The following LRRC20 variants were observed in gnomAD, a reference collection of about 807,000 sequenced individuals.
LRRC20 encodes the protein leucine rich repeat containing 20.
In LRRC20, 11 loss-of-function variants were observed where a neutral mutation model predicts 14.4. The ratio of observed to expected loss-of-function variants is 0.77; its 90% confidence interval spans 0.48 to 1.27. The LOEUF (loss-of-function observed/expected upper bound fraction) is 1.27, where lower values mean the gene tolerates loss of function less well. LRRC20 is among the 50% of genes most tolerant of loss of function. The pLI, the probability that LRRC20 is intolerant of heterozygous loss-of-function variation, is 0.00. For synonymous variants in LRRC20, 121 were observed against 107.3 expected (o/e 1.13, Z -0.79); for missense variants, 219 against 251.2 (o/e 0.87, Z 0.87).
At chr10:70,372,774 T>G (rs1770238488) in intron 2 of LRRC20, among the ~76,000 whole-genome samples, 1 of 151,898 alleles carries the variant, frequency 6.6e-6, no homozygotes, top group Non-Finnish European at 1.5e-5. Context: ...AATCATACAA[T>G]GAAATATTAC....
chr10:70,340,945 G>C (rs1236416165), intron 2 of LRRC20, among the ~76,000 whole-genome samples: 1 of 152,090 alleles, frequency 6.6e-6, no homozygotes, highest in Admixed American at 6.5e-5. Flanking sequence ...CACCATCTCT[G>C]TTACCACAGC....
At chr10:70,324,662 C>T (rs1226631375) in intron 3 of LRRC20, among the ~76,000 whole-genome samples, 2 of 152,150 alleles carry the variant, frequency 1.3e-5, no homozygotes, top group Non-Finnish European at 2.9e-5. Flanking sequence ...GAGGCAGTAC[C>T]AAGAGATGGG....
intron 4 of LRRC20, among the ~76,000 whole-genome samples, chr10:70,322,519 G>T (rs1456676339): frequency 6.6e-6 from 1 of 152,048 alleles, no homozygotes; most frequent in Non-Finnish European, 1.5e-5. Context: ...GCACTTCTGG[G>T]CAGGCTCCTT....
At chr10:70,329,251 C>A (rs924267373) in intron 3 of LRRC20, among the ~76,000 whole-genome samples, 1 of 152,156 alleles carries the variant, frequency 6.6e-6, no homozygotes, top group African/African-American at 2.4e-5. Context: ...TATTTCAGAT[C>A]GCTAGGAAGG....
chr10:70,324,182 CAT>C (rs1410670006), intron 3 of LRRC20, 152 bp from the exon 4 acceptor site: 1 of 683,016 alleles, frequency 1.5e-6, no homozygotes, highest in Non-Finnish European at 2.5e-6. Context: ...GGGCTGATTC[CAT>C]GTTTATTTGT....
chr10:70,337,483 A>G (rs1164532143), intron 3 of LRRC20, among the ~76,000 whole-genome samples: 2 of 152,230 alleles, frequency 1.3e-5, no homozygotes, highest in African/African-American at 2.4e-5. Context: ...GAGTTCAAAC[A>G]GCAACTTCAG....
At chr10:70,332,487 T>C (rs1425725059) in intron 3 of LRRC20, among the ~76,000 whole-genome samples, 5 of 152,004 alleles carry the variant, frequency 3.3e-5, no homozygotes, top group African/African-American at 1.2e-4. Context: ...CTACAAACAA[T>C]ACAAAAAATT....
intron 1 of LRRC20, among the ~76,000 whole-genome samples, chr10:70,379,572 G>T (rs528089571): frequency 6.6e-6 from 1 of 152,276 alleles, no homozygotes; most frequent in South Asian, 2.1e-4. Context: ...AGAAAGAAAT[G>T]CAGGAAGCAG....
At chr10:70,355,471 C>T (rs905561647) in intron 2 of LRRC20, among the ~76,000 whole-genome samples, 1 of 152,064 alleles carries the variant, frequency 6.6e-6, no homozygotes, top group Non-Finnish European at 1.5e-5. Context: ...CCAGAAAGTC[C>T]CACCGCAATA....
At chr10:70,355,121 C>A (rs1843472040) in intron 2 of LRRC20, among the ~76,000 whole-genome samples, 2 of 152,176 alleles carry the variant, frequency 1.3e-5, no homozygotes, top group African/African-American at 4.8e-5. Context: ...AAATGTCACT[C>A]AATTTCCAAA....
intron 2 of LRRC20, among the ~76,000 whole-genome samples, chr10:70,358,885 G>C (rs936660182): frequency 6.6e-6 from 1 of 152,130 alleles, no homozygotes; most frequent in Non-Finnish European, 1.5e-5. Context: ...ACCACCCCTC[G>C]CACCCAGTAC....
intron 3 of LRRC20, among the ~76,000 whole-genome samples, chr10:70,331,613 G>A (rs1842538839): frequency 6.6e-6 from 1 of 152,160 alleles, no homozygotes; most frequent in Admixed American, 6.5e-5. Flanking sequence ...TGGACAGAGA[G>A]GGCTGAGATC....
chr10:70,319,186 A>G (rs1841985649), intron 4 of LRRC20, among the ~76,000 whole-genome samples: 1 of 151,238 alleles, frequency 6.6e-6, no homozygotes, highest in Admixed American at 6.6e-5. Flanking sequence ...AAAAAAAAAA[A>G]AAAAGAAAGA....
At chr10:70,322,703 G>C (rs909792462) in intron 4 of LRRC20, among the ~76,000 whole-genome samples, 1 of 152,174 alleles carries the variant, frequency 6.6e-6, no homozygotes, top group African/African-American at 2.4e-5. Flanking sequence ...CCTGGGCACA[G>C]GGCTGTTGTG....
intron 1 of LRRC20, among the ~76,000 whole-genome samples, chr10:70,381,091 A>C (rs75624351): frequency 0.01 from 1,524 of 152,348 alleles, 31 homozygotes; most frequent in African/African-American, 0.035. Context: ...GCTTCTGTGT[A>C]GCGAACTAAG....
At chr10:70,332,490 A>C (rs150569907) in intron 3 of LRRC20, among the ~76,000 whole-genome samples, 1 of 152,266 alleles carries the variant, frequency 6.6e-6, no homozygotes, top group African/African-American at 2.4e-5. Context: ...CAAACAATAC[A>C]AAAAATTAGC....
At position 70,301,209 on chromosome 10, in the gene LRRC20, CAG is replaced by C; in HGVS notation, c.*143_*144del. 7.0e-7 allele frequency: 1 copy of C among 1,436,806 alleles called. No individual in the cohort carries two copies. 89.0% of individuals were successfully genotyped at this position (1,436,806 alleles called of 1,614,324 possible). A position where few individuals can be genotyped will look rare whatever the true frequency, so the allele number is the denominator to read the frequency against. On this transcript the variant is annotated 3_prime_UTR_variant, in exon 5 of 5. Transcript: ENST00000446961. ...CCACTACTGCTGTAAGCTATCTATC[CAG>C]ACCAGCTGCACCCCACCCACCACGT...
chr10:70,328,207 T>C lies in LRRC20; in HGVS notation c.233-4177A>G, dbSNP rs141679333. On this transcript the variant is annotated intron_variant, in intron 3 of 4. Transcript: ENST00000446961. The stretch of plus-strand genomic sequence containing the variant: ...TCACATATTTACTAAGCACCTACTA[T>C]ATGCTCAGCCTAATCACATATTTAC... Among the ~76,000 whole-genome samples, 43 of 152,262 alleles carry C rather than the reference T, an allele frequency of 2.8e-4. No homozygotes were observed. The East Asian group carries it at 7.9e-3, about 28-fold the overall frequency.
At chr10:70,379,560 G>A (rs1589136466) in intron 1 of LRRC20, among the ~76,000 whole-genome samples, 2 of 152,164 alleles carry the variant, frequency 1.3e-5, no homozygotes, top group East Asian at 3.9e-4. Context: ...GAAGGAAGAG[G>A]GAGAAAGAAA....
Sources: gnomAD v4.1 joint callset for allele counts (sites outside exome capture counted in the v4.1 genomes callset) on GRCh38, gnomAD v4.1.1 for gene constraint, MANE v1.5 for transcripts, NCBI Gene and HGNC (gene_info 2026-07-23, HGNC 2026-07-21) for gene names.